TTLL9: variants seen among roughly 807,000 people sequenced by gnomAD.
TTLL9 encodes probable tubulin polyglutamylase TTLL9.
In TTLL9, 47 loss-of-function variants were observed where a neutral mutation model predicts 65.6. The observed-to-expected ratio is 0.72, with a 90% CI of 0.57 to 0.91. TTLL9 has a LOEUF of 0.91. TTLL9 is among the 40% of genes least tolerant of loss of function. The pLI is 0.00. For synonymous variants in TTLL9, 179 were observed against 204.8 expected (o/e 0.87, Z 1.07); for missense variants, 537 against 568.8 (o/e 0.94, Z 0.57).
intron 3 of TTLL9, among the ~76,000 whole-genome samples, chr20:31,890,138 C>CTTTCT (rs2063278578): frequency 2.9e-5 from 1 of 34,986 alleles, no homozygotes; most frequent in African/African-American, 1.7e-4. Flanking sequence ...TCCTTCCTTC[C>CTTTCT]TTCCTTCCTT....
chr20:31,906,401 C>T (rs538018616), intron 4 of TTLL9, among the ~76,000 whole-genome samples: 11 of 152,350 alleles, frequency 7.2e-5, no homozygotes, highest in Admixed American at 1.3e-4. Context: ...GTTCTCCTTG[C>T]GGCCTCACGG....
intron 8 of TTLL9, among the ~76,000 whole-genome samples, chr20:31,924,581 G>A (rs369675545): frequency 1.3e-5 from 2 of 148,568 alleles, no homozygotes; most frequent in Non-Finnish European, 3.0e-5. Context: ...TACCTTGTGC[G>A]TTTTTTTTGT....
intron 4 of TTLL9, among the ~76,000 whole-genome samples, chr20:31,902,717 T>C (rs529666920): frequency 1.3e-5 from 2 of 152,312 alleles, no homozygotes; most frequent in South Asian, 4.1e-4. Flanking sequence ...GTGGAGTGAC[T>C]GGGTGATATG....
At chr20:31,941,632 CA>C (rs1427176809) in intron 14 of TTLL9, among the ~76,000 whole-genome samples, 1 of 152,096 alleles carries the variant, frequency 6.6e-6, no homozygotes, top group East Asian at 1.9e-4. Flanking sequence ...AATCATAGCT[CA>C]CTGTAACTAA....
chr20:31,927,748 A>T (rs990503684), intron 10 of TTLL9, among the ~76,000 whole-genome samples: 2 of 152,314 alleles, frequency 1.3e-5, no homozygotes, highest in South Asian at 4.1e-4. Context: ...TGACTTGCAC[A>T]TGGGAAAGAT....
chr20:31,923,338 G>C (rs923527923), intron 8 of TTLL9, among the ~76,000 whole-genome samples: 1 of 152,198 alleles, frequency 6.6e-6, no homozygotes, highest in Non-Finnish European at 1.5e-5. Flanking sequence ...GCACCTACTT[G>C]GTGGCAGCAC....
chr20:31,935,147 C>T lies in TTLL9; in HGVS notation c.1004+259C>T, dbSNP rs545661034. The stretch of plus-strand genomic sequence containing the variant: ...AGGACCGAGCCTGGCACTGGGAGGC[C>T]CTTCCTGATCATCTGCTGAGTCAGG... On this transcript the variant is annotated intron_variant, in intron 12 of 14. Transcript: ENST00000535842. Among the ~76,000 whole-genome samples the T allele has an allele frequency of 7.9e-5, 12 of 152,212 alleles. No individual in the cohort carries two copies. The South Asian group carries it at 2.5e-3, about 32-fold the overall frequency.
At chr20:31,928,502 A>G (rs1371506643) in intron 10 of TTLL9, among the ~76,000 whole-genome samples, 3 of 150,744 alleles carry the variant, frequency 2.0e-5, no homozygotes, top group African/African-American at 4.9e-5. Context: ...TTCATTATAT[A>G]TAATATATAT....
At chr20:31,895,474 A>T (rs574310653) in intron 3 of TTLL9, among the ~76,000 whole-genome samples, 2 of 152,312 alleles carry the variant, frequency 1.3e-5, no homozygotes, top group East Asian at 3.9e-4. Context: ...AGTTCTTATT[A>T]TCTGGCAAAT....
rs550550248 is a variant in TTLL9 at position 31,904,456 on chromosome 20, C to T, written c.207-4135C>T. Among the ~76,000 whole-genome samples the T allele has an allele frequency of 2.7e-3, 393 of 146,744 alleles. 3 individuals are homozygous for T. The highest frequency in any genetic ancestry group is 9.5e-3 in the African/African-American group (381 of 39,960). On this transcript the variant is annotated intron_variant, in intron 4 of 14. Transcript: ENST00000535842. ...CACTGCAGCCTTGACCCTCTGGGCT[C>T]AAGTGATCCTGCCACCTCGGCCCCC...
At chr20:31,889,168 AC>A (rs1167830798) in intron 3 of TTLL9, among the ~76,000 whole-genome samples, 5 of 152,230 alleles carry the variant, frequency 3.3e-5, no homozygotes, top group African/African-American at 1.2e-4. Flanking sequence ...AGTAGCTTAA[AC>A]AAATTGTATT....
intron 9 of TTLL9, 130 bp downstream of exon 9, chr20:31,925,179 C>A: frequency 2.1e-6 from 2 of 931,168 alleles, no homozygotes; most frequent in Non-Finnish European, 3.3e-6. Flanking sequence ...GGGAGATCCC[C>A]GAGGGACATC....
intron 10 of TTLL9, among the ~76,000 whole-genome samples, chr20:31,927,704 A>G (rs1301622188): frequency 6.6e-6 from 1 of 152,206 alleles, no homozygotes; most frequent in African/African-American, 2.4e-5. Context: ...TAGACAATCC[A>G]GCAATATTTT....
At chr20:31,876,693 G>C (rs1293905625) in intron 2 of TTLL9, among the ~76,000 whole-genome samples, 1 of 152,158 alleles carries the variant, frequency 6.6e-6, no homozygotes, top group East Asian at 1.9e-4. Flanking sequence ...TGGAATATCT[G>C]GGTTGTAAGG....
At position 31,912,318 on chromosome 20, in the gene TTLL9, G is replaced by C. The variant is rs2063667116; in HGVS notation, c.504+2396G>C. ...ATGCAGAGCCTGATTCACAGGTCTG[G>C]GTGGGGCCTGGGAACCTGCATTTCT... On this transcript the variant is annotated intron_variant, in intron 6 of 14. Transcript: ENST00000535842. Among the ~76,000 whole-genome samples, 3 of 152,168 alleles carry C rather than the reference G, an allele frequency of 2.0e-5. No homozygotes were observed. In the South Asian group the frequency reaches 6.2e-4, roughly 32 times the overall value.
At chr20:31,873,722 GAAA>G (rs1166486837) in intron 2 of TTLL9, among the ~76,000 whole-genome samples, 4 of 123,302 alleles carry the variant, frequency 3.2e-5, no homozygotes, top group Non-Finnish European at 6.8e-5. Flanking sequence ...AAGAAAGAAA[GAAA>G]GAAAGAAAGA....
In TTLL9 at chr20:31,933,872, G is replaced by C. The variant is rs763915367; in HGVS notation, c.807+14G>C. On this transcript the variant is annotated intron_variant, in intron 11 of 14. Transcript: ENST00000535842. Reference sequence around the variant, plus strand: ...CACCCAAAGAAGGTGAGGAAGCCGGGCTCGGCTATGCACGGGTACAGCCCT... The same window carrying C: ...CACCCAAAGAAGGTGAGGAAGCCGGCCTCGGCTATGCACGGGTACAGCCCT... The C allele has an allele frequency of 6.2e-7, 1 of 1,612,636 alleles. No individual in the cohort carries two copies. The highest frequency in any genetic ancestry group is 1.3e-5 in the African/African-American group (1 of 74,888).
At chr20:31,912,696 G>A (rs1008228397) in intron 6 of TTLL9, among the ~76,000 whole-genome samples, 2 of 151,796 alleles carry the variant, frequency 1.3e-5, no homozygotes, top group African/African-American at 2.4e-5. Context: ...GGGTTGGCAA[G>A]TCTGAAATCT....
At chr20:31,903,656 G>A (rs1485932247) in intron 4 of TTLL9, among the ~76,000 whole-genome samples, 1 of 152,116 alleles carries the variant, frequency 6.6e-6, no homozygotes, top group African/African-American at 2.4e-5. Flanking sequence ...TGTGAGGTAG[G>A]TGTCCAACTT....
Sources: gnomAD v4.1 joint callset for allele counts (sites outside exome capture counted in the v4.1 genomes callset) on GRCh38, gnomAD v4.1.1 for gene constraint, MANE v1.5 for transcripts, NCBI Gene and HGNC (gene_info 2026-07-23, HGNC 2026-07-21) for gene names.